Variants in GPC6 observed in about 807,000 individuals in gnomAD.
The protein encoded by GPC6 is glypican 6, also known as glypican-6.
Under a neutral mutation model 55.2 loss-of-function variants are expected in GPC6, and 14 were observed. That is an observed-to-expected ratio of 0.25 (90% confidence interval 0.17 to 0.40). The LOEUF is 0.40. Among genes scored for constraint, GPC6 ranks in the 10% least tolerant of loss-of-function variants. GPC6 has a pLI of 1.00. For synonymous variants in GPC6, 278 were observed against 259.6 expected (o/e 1.07, Z -0.68); for missense variants, 641 against 708.5 (o/e 0.90, Z 1.08).
At chr13:94,271,958 A>G (rs2139065046) in intron 4 of GPC6, among the ~76,000 whole-genome samples, 1 of 152,324 alleles carries the variant, frequency 6.6e-6, no homozygotes, top group Non-Finnish European at 1.5e-5. Context: ...TCATTTTTTT[A>G]AAACAATCCA....
chr13:94,175,267 A>G (rs1232557668), intron 4 of GPC6, among the ~76,000 whole-genome samples: 2 of 152,136 alleles, frequency 1.3e-5, no homozygotes, highest in South Asian at 4.1e-4. Context: ...TGTGGATAAT[A>G]TGCTCTCTGT....
At chr13:93,891,929 T>A (rs1875710108) in intron 3 of GPC6, among the ~76,000 whole-genome samples, 1 of 151,824 alleles carries the variant, frequency 6.6e-6, no homozygotes, top group East Asian at 1.9e-4. Flanking sequence ...AGAGTGTGAG[T>A]ATATAGTGTA....
chr13:94,201,138 G>T (rs976693973), intron 4 of GPC6, among the ~76,000 whole-genome samples: 1 of 152,180 alleles, frequency 6.6e-6, no homozygotes, highest in South Asian at 2.1e-4. Flanking sequence ...CAGACAGAAT[G>T]TTCTGGCTTT....
At chr13:93,505,238 T>G (rs1880663910) in intron 1 of GPC6, among the ~76,000 whole-genome samples, 1 of 152,180 alleles carries the variant, frequency 6.6e-6, no homozygotes, top group South Asian at 2.1e-4. Context: ...TAGCCTCATT[T>G]TTTGCAGTAG....
chr13:93,607,190 T>C (rs1441227947), intron 2 of GPC6, among the ~76,000 whole-genome samples: 1 of 152,214 alleles, frequency 6.6e-6, no homozygotes, highest in African/African-American at 2.4e-5. Context: ...TAAAGTCTTA[T>C]TCGGATATGA....
At position 94,064,265 on chromosome 13, in the gene GPC6, C is replaced by G. The variant is rs141002275; in HGVS notation, c.877+36371C>G. On this transcript the variant is annotated intron_variant, in intron 4 of 8. Transcript: ENST00000377047. ...GTTCGTCTATCTAAAACATACTTAC[C>G]TTGATTAATTAGCCTGTTAGAGGAA... Among the ~76,000 whole-genome samples, 507 of 152,282 alleles carry G rather than the reference C, an allele frequency of 3.3e-3. 6 individuals carry two copies. The highest frequency in any genetic ancestry group is 0.012 in the African/African-American group (494 of 41,554).
intron 1 of GPC6, among the ~76,000 whole-genome samples, chr13:93,365,063 AC>A (rs1881191542): frequency 6.6e-6 from 1 of 151,394 alleles, no homozygotes; most frequent in South Asian, 2.1e-4. Flanking sequence ...CCTCCACATC[AC>A]CCCCATGTCA....
intron 1 of GPC6, among the ~76,000 whole-genome samples, chr13:93,477,524 A>G (rs1879344167): frequency 6.6e-6 from 1 of 152,312 alleles, no homozygotes; most frequent in Non-Finnish European, 1.5e-5. Context: ...GAATGACTGG[A>G]TTAGTAAGAT....
chr13:93,658,195 A>G (rs1018066552), intron 2 of GPC6, among the ~76,000 whole-genome samples: 6 of 152,030 alleles, frequency 3.9e-5, no homozygotes, highest in Non-Finnish European at 5.9e-5. Context: ...CCTTTGTGCC[A>G]CATTTTCAAT....
intron 2 of GPC6, among the ~76,000 whole-genome samples, chr13:93,744,563 T>C (rs1241260647): frequency 3.1e-5 from 4 of 128,950 alleles, no homozygotes; most frequent in Admixed American, 1.7e-4. Flanking sequence ...TTACAGTTGA[T>C]CAATTCCTCC....
At chr13:94,373,043 C>A (rs1879657138) in intron 6 of GPC6, among the ~76,000 whole-genome samples, 1 of 152,134 alleles carries the variant, frequency 6.6e-6, no homozygotes, top group Admixed American at 6.5e-5. Context: ...GAAAGGACAT[C>A]CACACCAAAA....
chr13:93,765,598 G>C lies in GPC6; in HGVS notation c.320-64556G>C, dbSNP rs1300596832. Among the ~76,000 whole-genome samples the C allele has an allele frequency of 2.6e-5, 4 of 152,042 alleles. No individual in the cohort carries two copies. In the South Asian group the frequency reaches 8.3e-4, roughly 32 times the overall value. On this transcript the variant is annotated intron_variant, in intron 2 of 8. Transcript: ENST00000377047. ...GTCACAGAATTAATGTATGCCCCAG[G>C]TTACCTGCATTATTCATAGTAAGGT...
intron 1 of GPC6, among the ~76,000 whole-genome samples, chr13:93,313,239 C>T (rs1324388279): frequency 6.6e-6 from 1 of 152,012 alleles, no homozygotes; most frequent in Non-Finnish European, 1.5e-5. Flanking sequence ...AAACAAACAA[C>T]AACTAAGAAC....
chr13:93,761,270 T>C (rs1464106107), intron 2 of GPC6, among the ~76,000 whole-genome samples: 3 of 152,186 alleles, frequency 2.0e-5, no homozygotes, highest in Admixed American at 1.3e-4. Context: ...GTGTGAAATA[T>C]AACAAATATT....
intron 3 of GPC6, among the ~76,000 whole-genome samples, chr13:93,870,906 C>A (rs191457562): frequency 6.6e-5 from 10 of 152,072 alleles, no homozygotes; most frequent in Non-Finnish European, 1.0e-4. Flanking sequence ...AGATGTGAGT[C>A]ACCACACATG....
intron 5 of GPC6, among the ~76,000 whole-genome samples, chr13:94,288,222 C>T (rs1167205358): frequency 2.6e-5 from 4 of 152,064 alleles, no homozygotes; most frequent in Non-Finnish European, 5.9e-5. Flanking sequence ...GAAGCTTCTC[C>T]TCCCCCAGGG....
At chr13:94,219,830 C>A (rs1275031421) in intron 4 of GPC6, among the ~76,000 whole-genome samples, 2 of 152,068 alleles carry the variant, frequency 1.3e-5, no homozygotes, top group African/African-American at 4.8e-5. Flanking sequence ...TATGTTGAGG[C>A]AGATTTTAGA....
In GPC6 at chr13:94,173,751, G is replaced by C. The variant is rs78932731; in HGVS notation, c.878-112598G>C. Among the ~76,000 whole-genome samples the C allele has an allele frequency of 6.1e-3, 928 of 152,216 alleles. 10 individuals are homozygous for C. The highest frequency in any genetic ancestry group is 0.021 in the African/African-American group (884 of 41,554). On this transcript the variant is annotated intron_variant, in intron 4 of 8. Coordinates refer to ENST00000377047, the MANE Select transcript of GPC6 (RefSeq NM_005708.5). The stretch of plus-strand genomic sequence containing the variant: ...GAACTGAGATTTAAAAGCATGTTTT[G>C]ATTCCCCATCTGAATATCCTGCTTC...
At chr13:94,212,980 A>G (rs1263558000) in intron 4 of GPC6, among the ~76,000 whole-genome samples, 1 of 152,152 alleles carries the variant, frequency 6.6e-6, no homozygotes, top group Non-Finnish European at 1.5e-5. Flanking sequence ...ACATGGTGAA[A>G]CCCCGTCTCT....
Sources: allele counts gnomAD v4.1 joint callset (sites outside exome capture counted in the v4.1 genomes callset), GRCh38; gene constraint gnomAD v4.1.1; transcripts MANE v1.5; gene names NCBI Gene and HGNC (gene_info 2026-07-23, HGNC 2026-07-21).